Variants in TRIM2 observed in about 807,000 individuals in gnomAD.
The protein encoded by TRIM2 is tripartite motif containing 2.
A neutral mutation model predicts 75.2 loss-of-function variants in TRIM2; 20 were observed. The observed-to-expected ratio is 0.27, with a 90% CI of 0.19 to 0.39. The LOEUF (loss-of-function observed/expected upper bound fraction) is 0.39. Ranked by LOEUF, TRIM2 falls within the 10% of genes least tolerant of loss-of-function variation. The pLI is 1.00. For synonymous variants in TRIM2, 373 were observed against 388.3 expected (o/e 0.96, Z 0.46); for missense variants, 660 against 990.8 (o/e 0.67, Z 4.48).
chr4:153,320,924 G>A (rs559809143), intron 8 of TRIM2, among the ~76,000 whole-genome samples: 22 of 152,286 alleles, frequency 1.4e-4, no homozygotes, highest in Admixed American at 3.3e-4. Flanking sequence ...GAGCCACCGC[G>A]CCCGGCGAAG....
At chr4:153,232,774 C>T (rs1389956965) in intron 1 of TRIM2, among the ~76,000 whole-genome samples, 2 of 152,152 alleles carry the variant, frequency 1.3e-5, no homozygotes, top group Non-Finnish European at 2.9e-5. Context: ...CAGAACATTC[C>T]CATGTCTCCT....
chr4:153,267,535 C>A (rs999554557), intron 1 of TRIM2, among the ~76,000 whole-genome samples: 2 of 152,136 alleles, frequency 1.3e-5, no homozygotes, highest in Admixed American at 6.5e-5. Context: ...CCCTGTAGTC[C>A]CAGCTACTGG....
intron 1 of TRIM2, among the ~76,000 whole-genome samples, chr4:153,239,327 AG>A (rs1340370205): frequency 6.7e-6 from 1 of 148,922 alleles, no homozygotes; most frequent in Non-Finnish European, 1.5e-5. Context: ...ACTCCAGCCT[AG>A]GAGACACAGC....
rs565985092 is a variant in TRIM2, at chr4:153,300,618, T to C, written c.1510+4582T>C. Among the ~76,000 whole-genome samples, 3 of 152,218 alleles carry C rather than the reference T, an allele frequency of 2.0e-5. No homozygotes were observed. The South Asian group carries it at 6.2e-4, about 32-fold the overall frequency. On this transcript the variant is annotated intron_variant, in intron 6 of 11. Coordinates refer to ENST00000338700, the MANE Select transcript of TRIM2 (RefSeq NM_015271.5). ...GTGCAGTGGCGTGATCTCAGCTTACTGTAACCTCTGCCTCCCAGTTTTAAG... is the reference window on the plus strand; with the variant it reads ...GTGCAGTGGCGTGATCTCAGCTTACCGTAACCTCTGCCTCCCAGTTTTAAG...
chr4:153,324,712 T>C (rs1393592634), intron 10 of TRIM2, among the ~76,000 whole-genome samples: 1 of 152,040 alleles, frequency 6.6e-6, no homozygotes, highest in East Asian at 1.9e-4. Context: ...TATGAGAAAA[T>C]CAGGAAATAA....
chr4:153,184,585 C>G (rs1732404652), intron 1 of TRIM2, among the ~76,000 whole-genome samples: 1 of 152,170 alleles, frequency 6.6e-6, no homozygotes, highest in Non-Finnish European at 1.5e-5. Context: ...TCTGAGCACT[C>G]TGAACAGAGC....
intron 10 of TRIM2, 141 bp from the exon 11 acceptor site, chr4:153,328,389 G>C (rs1213780168): frequency 1.4e-6 from 1 of 726,750 alleles, no homozygotes; most frequent in African/African-American, 1.8e-5. Flanking sequence ...CTGTCTTGTA[G>C]ATTTCATTTT....
chr4:153,303,490 A>C, intron 6 of TRIM2, among the ~76,000 whole-genome samples: 1 of 152,026 alleles, frequency 6.6e-6, no homozygotes, highest in Admixed American at 6.5e-5. Flanking sequence ...AAAAAAAAAA[A>C]AGAGTTCAAC....
At chr4:153,249,173 G>A (rs1750120872) in intron 1 of TRIM2, among the ~76,000 whole-genome samples, 1 of 152,270 alleles carries the variant, frequency 6.6e-6, no homozygotes, top group East Asian at 1.9e-4. Context: ...AGACAAAAAG[G>A]TTAGAAAAGG....
At chr4:153,334,394 T>C (rs1185786767) in intron 11 of TRIM2, among the ~76,000 whole-genome samples, 1 of 151,128 alleles carries the variant, frequency 6.6e-6, no homozygotes, top group African/African-American at 2.4e-5. Context: ...TTTTTTTTTT[T>C]CTGCTTTTTT....
intron 1 of TRIM2, among the ~76,000 whole-genome samples, chr4:153,167,268 C>T (rs1208634434): frequency 1.3e-5 from 2 of 152,168 alleles, no homozygotes; most frequent in East Asian, 3.8e-4. Flanking sequence ...CATAACCAAA[C>T]CAATGAAAGC....
intron 6 of TRIM2, among the ~76,000 whole-genome samples, chr4:153,301,506 T>C (rs1381654094): frequency 6.6e-6 from 1 of 152,258 alleles, no homozygotes; most frequent in African/African-American, 2.4e-5. Flanking sequence ...TAATTCCATG[T>C]ATCCATTTTT....
intron 6 of TRIM2, among the ~76,000 whole-genome samples, chr4:153,314,403 G>A (rs1218190324): frequency 8.1e-6 from 1 of 122,706 alleles, no homozygotes; most frequent in African/African-American, 3.2e-5. Flanking sequence ...CTGGGCGACA[G>A]AGCGAGACTC....
chr4:153,276,256 G>A (rs1758008019), intron 3 of TRIM2, 126 bp downstream of exon 3: 4 of 788,522 alleles, frequency 5.1e-6, no homozygotes, highest in South Asian at 1.7e-5. Flanking sequence ...AATTAAAAAA[G>A]ATTTTTACCA....
chr4:153,186,024 G>A (rs993926024), intron 1 of TRIM2, among the ~76,000 whole-genome samples: 7 of 152,172 alleles, frequency 4.6e-5, no homozygotes, highest in African/African-American at 1.7e-4. Context: ...ATTTGGCAAT[G>A]TCTAGAGACA....
intron 1 of TRIM2, among the ~76,000 whole-genome samples, chr4:153,178,712 C>T (rs1731735317): frequency 6.6e-6 from 1 of 152,216 alleles, no homozygotes. Context: ...CACATTAATA[C>T]TTTAAAGGCT....
At chr4:153,215,806 T>TA (rs1329712902) in intron 1 of TRIM2, among the ~76,000 whole-genome samples, 2 of 152,152 alleles carry the variant, frequency 1.3e-5, no homozygotes, top group African/African-American at 2.4e-5. Context: ...ATAAATCAAT[T>TA]ATCATTTTTT....
At chr4:153,211,246 A>G (rs1042865319) in intron 1 of TRIM2, among the ~76,000 whole-genome samples, 1 of 152,138 alleles carries the variant, frequency 6.6e-6, no homozygotes, top group Non-Finnish European at 1.5e-5. Context: ...AGCTCTGGAC[A>G]GGGCTGGGTG....
chr4:153,269,990 G>A (rs1005639694), intron 1 of TRIM2, among the ~76,000 whole-genome samples: 9 of 151,858 alleles, frequency 5.9e-5, no homozygotes, highest in Non-Finnish European at 8.8e-5. Context: ...GTGCAGTGGC[G>A]CGATCTCAGC....
Sources: gnomAD v4.1 joint callset for allele counts (sites outside exome capture counted in the v4.1 genomes callset) on GRCh38, gnomAD v4.1.1 for gene constraint, MANE v1.5 for transcripts, NCBI Gene and HGNC (gene_info 2026-07-23, HGNC 2026-07-21) for gene names.